CHD9: variants seen among roughly 807,000 people sequenced by gnomAD.
CHD9 encodes the protein ATP-dependent chromatin remodeler CHD9.
Under a neutral mutation model 316.1 loss-of-function variants are expected in CHD9, and 77 were observed. The ratio of observed to expected loss-of-function variants is 0.24; its 90% CI spans 0.20 to 0.29. CHD9 has a LOEUF of 0.29. Among genes scored for constraint, CHD9 ranks in the 10% least tolerant of loss-of-function variants. CHD9 has a pLI of 1.00. For synonymous variants in CHD9, 1,129 were observed against 1,158.3 expected, an observed-to-expected ratio of 0.97 and a Z score of 0.51; for missense variants, 2,763 against 3,438.1, an observed-to-expected ratio of 0.80 and a Z score of 4.91.
chr16:53,072,595 C>T (rs1007497292), intron 1 of CHD9, among the ~76,000 whole-genome samples: 1 of 151,804 alleles, frequency 6.6e-6, no homozygotes, highest in African/African-American at 2.4e-5. Flanking sequence ...TGCCTGGTCT[C>T]GAACTCCTGG....
rs183022983 is a variant in CHD9 at position 53,319,610 on chromosome 16, A to G, written c.7713+1270A>G. Among the ~76,000 whole-genome samples, 48 of 152,364 alleles carry G rather than the reference A, an allele frequency of 3.2e-4. 1 individual carries two copies. The highest frequency in any genetic ancestry group is 3.0e-3 in the Admixed American group (46 of 15,302). On this transcript the variant is annotated intron_variant, in intron 37 of 38. Coordinates refer to ENST00000447540, the MANE Select transcript of CHD9 (RefSeq NM_001308319.2). ...GTTACAAATCCTTCTTCTTCATCTT[A>G]TACCAAAAATTCACATTACTAAATA...
chr16:53,056,998 A>G (rs1230357764), intron 1 of CHD9, among the ~76,000 whole-genome samples: 1 of 151,958 alleles, frequency 6.6e-6, no homozygotes, highest in African/African-American at 2.4e-5. Context: ...AATTATACAC[A>G]TTGAATAATT....
At chr16:53,215,051 T>C (rs2046632773) in intron 3 of CHD9, among the ~76,000 whole-genome samples, 1 of 152,100 alleles carries the variant, frequency 6.6e-6, no homozygotes, top group Non-Finnish European at 1.5e-5. Context: ...TAGCTGGGAC[T>C]ACAGGTGCCC....
At chr16:53,076,372 C>T (rs1419051269) in intron 1 of CHD9, among the ~76,000 whole-genome samples, 7 of 151,996 alleles carry the variant, frequency 4.6e-5, no homozygotes, top group East Asian at 1.9e-4. Context: ...GTCAGGAGTT[C>T]GAGACCAGCC....
intron 3 of CHD9, among the ~76,000 whole-genome samples, chr16:53,218,994 C>G (rs1452320295): frequency 6.6e-6 from 1 of 152,144 alleles, no homozygotes; most frequent in African/African-American, 2.4e-5. Flanking sequence ...CAAATATTCA[C>G]AAGCAAAGTA....
At chr16:53,290,783 AC>A (rs779104822) in intron 27 of CHD9, among the ~76,000 whole-genome samples, 3 of 152,132 alleles carry the variant, frequency 2.0e-5, no homozygotes, top group African/African-American at 4.8e-5. Flanking sequence ...GTCTCGAAAA[AC>A]AAAAGAAAAA....
intron 22 of CHD9, among the ~76,000 whole-genome samples, chr16:53,273,067 C>G (rs1002818115): frequency 2.7e-5 from 4 of 150,014 alleles, no homozygotes; most frequent in Non-Finnish European, 4.4e-5. Flanking sequence ...CCAGCCTGAG[C>G]AACAGAGTGA....
At position 53,304,149 on chromosome 16, in the gene CHD9, A is replaced by G. The variant is rs756825213; in HGVS notation, c.6143A>G (p.Lys2048Arg). The change falls in exon 31 of 39, where the codon AAA becomes AGA. Residue 2048 changes from lysine (K) to arginine (R), a missense_variant. Lys to Arg is a conservative substitution (Grantham distance 26, BLOSUM62 2). Around this residue, in one of 15 missense-constraint regions of CHD9, gnomAD observed 663 missense variants for 751.2 expected, o/e 0.88. Coordinates refer to ENST00000447540, the MANE Select transcript of CHD9 (RefSeq NM_001308319.2). ...KGIILEEMKVKSENLKEEPQS... is the reference protein window; with the variant it reads ...KGIILEEMKVRSENLKEEPQS... ...ATTATTCTAGAGGAGATGAAAGTTA[A>G]AAGTGAAAACCTTAAAGAGGAGCCT... is the stretch of plus-strand genomic sequence containing the variant. The G allele has an allele frequency of 6.2e-7, 1 of 1,612,984 alleles. No individual in the cohort carries two copies. The highest frequency in any genetic ancestry group is 1.3e-5 in the African/African-American group (1 of 74,766).
chr16:53,219,682 A>T (rs1055373425), intron 3 of CHD9, among the ~76,000 whole-genome samples: 12 of 152,200 alleles, frequency 7.9e-5, no homozygotes, highest in Non-Finnish European at 1.5e-5. Context: ...AAGTCTTTTG[A>T]GTCCTTAAGC....
At chr16:53,187,671 A>T (rs1228018770) in intron 2 of CHD9, among the ~76,000 whole-genome samples, 1 of 152,216 alleles carries the variant, frequency 6.6e-6, no homozygotes, top group Admixed American at 6.5e-5. Flanking sequence ...AGGTTTCAGA[A>T]AAAAGTGATG....
chr16:53,245,687 C>T lies in CHD9; in HGVS notation c.3291C>T (p.Ile1097=). Residue 1097 remains isoleucine, a synonymous_variant, in exon 15 of 39, where the codon ATC becomes ATT. Transcript: ENST00000447540. The surrounding 1 kb of genome is among the most constrained non-coding windows in gnomAD (Gnocchi z 4.1). ...AGTTGGCACCTAAAGAAGAAACCATCATTGAAGTAGAACTTACTAATATTC... is the reference window on the plus strand; with the variant it reads ...AGTTGGCACCTAAAGAAGAAACCATTATTGAAGTAGAACTTACTAATATTC... The part of the protein sequence containing the change: ...EKKLAPKEET[I]IEVELTNIQK... The T allele has an allele frequency of 6.2e-7, 1 of 1,608,988 alleles. No homozygotes were observed. Among genetic ancestry groups the T allele is most frequent in the Non-Finnish European group, 8.5e-7 (1 of 1,178,218 alleles).
chr16:53,107,717 C>T (rs908296615), intron 1 of CHD9, among the ~76,000 whole-genome samples: 2 of 151,770 alleles, frequency 1.3e-5, no homozygotes, highest in African/African-American at 4.8e-5. Flanking sequence ...ATATAATTGG[C>T]ACATTGTTAC....
chr16:53,137,549 G>C (rs7184968), intron 1 of CHD9, among the ~76,000 whole-genome samples: 5,076 of 152,218 alleles, frequency 0.033, 299 homozygotes, highest in African/African-American at 0.12. Flanking sequence ...AGCAGTGTGT[G>C]AGAGCGCCAG....
intron 1 of CHD9, among the ~76,000 whole-genome samples, chr16:53,111,901 C>G (rs16952016): frequency 6.6e-6 from 1 of 152,044 alleles, no homozygotes; most frequent in Non-Finnish European, 1.5e-5. Context: ...ACTTAATATG[C>G]GATGACTTTA....
chr16:53,322,000 C>CT (rs61037497), intron 38 of CHD9, among the ~76,000 whole-genome samples: 1,911 of 132,210 alleles, frequency 0.014, 36 homozygotes, highest in East Asian at 0.083. Flanking sequence ...TTTTCTTTTT[C>CT]TTTTTTTTTT....
chr16:53,247,023 G>T (rs1361373065), intron 15 of CHD9, among the ~76,000 whole-genome samples: 1 of 152,142 alleles, frequency 6.6e-6, no homozygotes, highest in Non-Finnish European at 1.5e-5. Flanking sequence ...TAAACATTTG[G>T]CAAACATAAA....
At chr16:53,064,979 AAG>A (rs554306872) in intron 1 of CHD9, among the ~76,000 whole-genome samples, 4 of 151,394 alleles carry the variant, frequency 2.6e-5, no homozygotes, top group Admixed American at 6.6e-5. Flanking sequence ...GAAAGAAAGA[AAG>A]AGAGAGAGAG....
Position 53,296,945 on chromosome 16 carries a change from A to G in CHD9, c.5511-11A>G. The G allele has an allele frequency of 1.2e-6, 2 of 1,603,248 alleles. No individual in the cohort carries two copies. Among genetic ancestry groups the G allele is most frequent in the South Asian group, 2.2e-5 (2 of 90,012 alleles). On this transcript the variant is annotated splice_polypyrimidine_tract_variant and intron_variant, in intron 29 of 38. Coordinates refer to ENST00000447540, the MANE Select transcript of CHD9 (RefSeq NM_001308319.2). ...TAGTGTGGTTTTTTTCTTTAATCTG[A>G]CTCAAAATAGATGGACAAGAAGAGA... is the stretch of plus-strand genomic sequence containing the variant.
intron 1 of CHD9, among the ~76,000 whole-genome samples, chr16:53,089,119 A>T (rs60873007): frequency 0.018 from 2,633 of 148,662 alleles, 62 homozygotes; most frequent in African/African-American, 0.055. Context: ...CTCAAAAAAA[A>T]AAAAATAATA....
Sources: gnomAD v4.1 joint callset for allele counts (sites outside exome capture counted in the v4.1 genomes callset) on GRCh38, gnomAD v4.1.1 for gene constraint, gnomAD v4.1.1 regional missense constraint, Gnocchi (gnomAD v3.1) non-coding constraint, MANE v1.5 for transcripts, NCBI Gene and HGNC (gene_info 2026-07-23, HGNC 2026-07-21) for gene names.